Variants in RBFOX1 observed in about 807,000 individuals in gnomAD.
RBFOX1 encodes RNA binding protein fox-1 homolog 1.
Under a neutral mutation model 57.7 loss-of-function variants are expected in RBFOX1, and 8 were observed. That is an observed-to-expected ratio of 0.14 (90% CI 0.08 to 0.25). RBFOX1 has a LOEUF of 0.25. Ranked by LOEUF, RBFOX1 falls within the 10% of genes least tolerant of loss-of-function variation. RBFOX1 has a pLI of 1.00. For missense variants in RBFOX1, 611 were observed against 548.5 expected, an observed-to-expected ratio of 1.11 and a Z score of -1.14; for synonymous variants, 326 against 222.4, an observed-to-expected ratio of 1.47 and a Z score of -4.15.
intron 4 of RBFOX1, among the ~76,000 whole-genome samples, chr16:7,222,185 C>T (rs189882303): frequency 2.0e-5 from 3 of 150,696 alleles, no homozygotes; most frequent in African/African-American, 4.8e-5. Context: ...GCCATAGACA[C>T]GACCACACCA....
At chr16:5,450,665 T>G (rs2068395647) in intron 1 of RBFOX1, among the ~76,000 whole-genome samples, 1 of 152,052 alleles carries the variant, frequency 6.6e-6, no homozygotes, top group Non-Finnish European at 1.5e-5. Context: ...TTCTCTGAGG[T>G]CAGAGTCAGG....
chr16:6,072,539 T>C (rs1026945122), intron 1 of RBFOX1, among the ~76,000 whole-genome samples: 2 of 152,184 alleles, frequency 1.3e-5, no homozygotes, highest in Admixed American at 1.3e-4. Flanking sequence ...ATACTCTTTT[T>C]CCATAGTGGC....
intron 11 of RBFOX1, among the ~76,000 whole-genome samples, chr16:7,635,132 G>C (rs575280270): frequency 6.6e-6 from 1 of 152,120 alleles, no homozygotes; most frequent in Non-Finnish European, 1.5e-5. Flanking sequence ...ATCAAAATTG[G>C]CACCAGGCAG....
At chr16:7,283,844 A>C (rs542583403) in intron 4 of RBFOX1, among the ~76,000 whole-genome samples, 1 of 152,202 alleles carries the variant, frequency 6.6e-6, no homozygotes, top group Non-Finnish European at 1.5e-5. Context: ...CAGTTCTTCA[A>C]GTTTCAATAA....
chr16:6,977,914 C>T (rs1465729932), intron 3 of RBFOX1, among the ~76,000 whole-genome samples: 1 of 144,644 alleles, frequency 6.9e-6, no homozygotes, highest in Non-Finnish European at 1.5e-5. Context: ...CAAGAGGAAA[C>T]TGCCTCTTCC....
At chr16:7,300,047 T>A (rs1267031541) in intron 4 of RBFOX1, among the ~76,000 whole-genome samples, 1 of 152,184 alleles carries the variant, frequency 6.6e-6, no homozygotes, top group African/African-American at 2.4e-5. Flanking sequence ...AAGCTGAAAC[T>A]GCATTTTTTC....
At chr16:5,856,061 T>C (rs1436086127) in intron 3 of RBFOX1, among the ~76,000 whole-genome samples, 2 of 142,840 alleles carry the variant, frequency 1.4e-5, no homozygotes, top group Admixed American at 7.2e-5. Context: ...TGTATAGAAA[T>C]GTAACTGATT....
chr16:5,571,131 A>G (rs758146609), intron 2 of RBFOX1, among the ~76,000 whole-genome samples: 2 of 149,048 alleles, frequency 1.3e-5, no homozygotes, highest in Non-Finnish European at 3.0e-5. Flanking sequence ...AATTCTACCC[A>G]TGTCTACAGT....
chr16:6,308,524 G>C (rs2079823806), intron 1 of RBFOX1, among the ~76,000 whole-genome samples: 2 of 152,192 alleles, frequency 1.3e-5, no homozygotes, highest in African/African-American at 2.4e-5. Context: ...TGAGTGACAG[G>C]GTTGCCTGCA....
intron 2 of RBFOX1, among the ~76,000 whole-genome samples, chr16:6,523,223 C>T (rs1006606086): frequency 6.6e-6 from 1 of 151,644 alleles, no homozygotes; most frequent in African/African-American, 2.4e-5. Flanking sequence ...TGATAAAGAG[C>T]AAGTACTTGG....
At chr16:5,385,032 T>G (rs2066222230) in intron 1 of RBFOX1, among the ~76,000 whole-genome samples, 1 of 152,232 alleles carries the variant, frequency 6.6e-6, no homozygotes, top group East Asian at 1.9e-4. Flanking sequence ...TAGGTCGTAA[T>G]GGGTGTTAAC....
chr16:6,376,447 A>G (rs2091188375), intron 2 of RBFOX1, among the ~76,000 whole-genome samples: 1 of 152,198 alleles, frequency 6.6e-6, no homozygotes, highest in South Asian at 2.1e-4. Context: ...CTCTGAAGGC[A>G]TTAAGGGTGA....
At position 7,227,280 on chromosome 16, in the gene RBFOX1, A is replaced by ACCCCC. The variant is rs1374051082; in HGVS notation, c.27+175186_27+175187insCCCCC. On this transcript the variant is annotated intron_variant, in intron 4 of 15. Transcript: ENST00000550418. ...GTTCTCACTGTCACATACCACACACACCCCACCCCACCCCCACACACACAC... is the reference window on the plus strand; with the variant it reads ...GTTCTCACTGTCACATACCACACACACCCCCCCCCACCCCACCCCCACACACACAC... Among the ~76,000 whole-genome samples, 259 of 89,190 alleles carry ACCCCC rather than the reference A, an allele frequency of 2.9e-3. 1 individual carries two copies. Among genetic ancestry groups the ACCCCC allele is most frequent in the Middle Eastern group, 8.3e-3 (1 of 120 alleles). The allele number at this position is 89,190 out of a possible 152,430, so 58.5% of individuals were successfully genotyped here. A position where few individuals can be genotyped will look rare whatever the true frequency, so the allele number is the denominator to read the frequency against.
At chr16:5,617,702 G>T (rs2048079058) in intron 3 of RBFOX1, among the ~76,000 whole-genome samples, 1 of 152,164 alleles carries the variant, frequency 6.6e-6, no homozygotes, top group East Asian at 1.9e-4. Flanking sequence ...TGTTTTTTCT[G>T]TCTTGTCTTT....
chr16:6,859,381 C>T (rs894276761), intron 3 of RBFOX1, among the ~76,000 whole-genome samples: 11 of 151,644 alleles, frequency 7.3e-5, no homozygotes, highest in Non-Finnish European at 1.3e-4. Context: ...AAACAGATGA[C>T]GCTTTTGCCC....
intron 4 of RBFOX1, among the ~76,000 whole-genome samples, chr16:7,253,877 A>C (rs192622439): frequency 8.5e-5 from 13 of 152,254 alleles, no homozygotes; most frequent in Admixed American, 6.5e-4. Flanking sequence ...TGGAGGATTT[A>C]ATATTTTGTT....
At chr16:6,628,521 C>T (rs368780231) in intron 2 of RBFOX1, among the ~76,000 whole-genome samples, 1 of 152,142 alleles carries the variant, frequency 6.6e-6, no homozygotes, top group Non-Finnish European at 1.5e-5. Flanking sequence ...TGTTTTATCT[C>T]TTATATATCC....
chr16:6,741,886 A>G (rs991437323), intron 3 of RBFOX1, among the ~76,000 whole-genome samples: 2 of 152,212 alleles, frequency 1.3e-5, no homozygotes, highest in Admixed American at 1.3e-4. Context: ...TTAGTTAGAT[A>G]GGAGGAATAA....
At chr16:7,244,887 C>T (rs767599579) in intron 4 of RBFOX1, among the ~76,000 whole-genome samples, 1 of 152,174 alleles carries the variant, frequency 6.6e-6, no homozygotes, top group Non-Finnish European at 1.5e-5. Flanking sequence ...GTAAGAAAAG[C>T]TCCGTATCCC....
Sources: allele counts gnomAD v4.1 joint callset (sites outside exome capture counted in the v4.1 genomes callset), GRCh38; gene constraint gnomAD v4.1.1; transcripts MANE v1.5; gene names NCBI Gene and HGNC (gene_info 2026-07-23, HGNC 2026-07-21).